The following CA10 variants were observed in gnomAD, a reference collection of about 807,000 sequenced individuals.
CA10 encodes carbonic anhydrase 10 (inactive).
Under a neutral mutation model 44.2 loss-of-function variants are expected in CA10, and 14 were observed. The ratio of observed to expected loss-of-function variants is 0.32; its 90% CI spans 0.21 to 0.50. The LOEUF is 0.50. Ranked by LOEUF, CA10 falls within the 20% of genes least tolerant of loss-of-function variation. The pLI is 0.99. For missense variants in CA10, 350 were observed against 409.7 expected (o/e 0.85, Z 1.26); for synonymous variants, 159 against 141.6 (o/e 1.12, Z -0.87).
At position 51,631,614 on chromosome 17, in the gene CA10, G is replaced by A. The variant is rs1377306828; in HGVS notation, c.965-8C>T. 7.5e-6 allele frequency: 12 copies of A among 1,608,876 alleles called. No homozygotes were observed. The highest frequency in any genetic ancestry group is 1.7e-5 in the Admixed American group (1 of 59,838). ...TGAGGAGCCATTCATTTACTGCAAAGAGAGAGAAAGAAAAAAAAAATCACA... is the reference window on the plus strand; with the variant it reads ...TGAGGAGCCATTCATTTACTGCAAAAAGAGAGAAAGAAAAAAAAAATCACA... On this transcript the variant is annotated splice_region_variant and splice_polypyrimidine_tract_variant and intron_variant, in intron 8 of 8. Coordinates refer to ENST00000451037, the MANE Select transcript of CA10 (RefSeq NM_020178.5).
chr17:51,907,757 G>A (rs954781932), intron 3 of CA10, among the ~76,000 whole-genome samples: 14 of 152,114 alleles, frequency 9.2e-5, no homozygotes, highest in African/African-American at 3.1e-4. Flanking sequence ...AGCTTTCCAC[G>A]AGGTCAGCTT....
intron 2 of CA10, among the ~76,000 whole-genome samples, chr17:51,934,549 T>C (rs774656923): frequency 1.3e-5 from 2 of 152,170 alleles, no homozygotes; most frequent in Non-Finnish European, 2.9e-5. Context: ...TCAAACTGCT[T>C]TGAAAGTCAA....
chr17:51,889,760 A>G (rs1980775247), intron 3 of CA10, among the ~76,000 whole-genome samples: 4 of 152,144 alleles, frequency 2.6e-5, no homozygotes, highest in African/African-American at 9.7e-5. Flanking sequence ...TTTAACTACA[A>G]ATTTCTAATG....
intron 4 of CA10, among the ~76,000 whole-genome samples, chr17:51,740,629 G>A (rs1904418627): frequency 6.6e-6 from 1 of 152,166 alleles, no homozygotes; most frequent in East Asian, 1.9e-4. Flanking sequence ...CACATAGAGA[G>A]GACCCACGTG....
intron 3 of CA10, among the ~76,000 whole-genome samples, chr17:51,763,620 T>C (rs1005148544): frequency 6.6e-6 from 1 of 152,184 alleles, no homozygotes; most frequent in African/African-American, 2.4e-5. Context: ...CTCTCAGATT[T>C]CCACTCGATG....
At chr17:51,771,671 A>G (rs1370202674) in intron 3 of CA10, among the ~76,000 whole-genome samples, 1 of 152,158 alleles carries the variant, frequency 6.6e-6, no homozygotes, top group Non-Finnish European at 1.5e-5. Flanking sequence ...AATCTGAGAA[A>G]GTGAATGTTA....
chr17:51,633,354 C>T (rs980106223), intron 8 of CA10, 122 bp downstream of exon 8: 52 of 956,058 alleles, frequency 5.4e-5, no homozygotes, highest in Non-Finnish European at 7.5e-5. Flanking sequence ...AGTGTGATGG[C>T]TATTGTCATT....
chr17:52,007,351 A>T (rs1985635207), intron 2 of CA10, among the ~76,000 whole-genome samples: 1 of 151,550 alleles, frequency 6.6e-6, no homozygotes. Context: ...CATTTCATCC[A>T]TAAGTAAGGT....
At chr17:52,079,819 T>C (rs957869486) in intron 1 of CA10, among the ~76,000 whole-genome samples, 1 of 152,216 alleles carries the variant, frequency 6.6e-6, no homozygotes, top group Non-Finnish European at 1.5e-5. Context: ...GGGGAAGATG[T>C]GTCATACCTG....
At chr17:51,785,791 C>T (rs533836253) in intron 3 of CA10, among the ~76,000 whole-genome samples, 89 of 152,170 alleles carry the variant, frequency 5.8e-4, no homozygotes, top group African/African-American at 2.0e-3. Flanking sequence ...TATTTTGGGT[C>T]TTTTATGGTT....
intron 3 of CA10, among the ~76,000 whole-genome samples, chr17:51,904,121 T>C (rs1981437836): frequency 6.6e-6 from 1 of 151,528 alleles, no homozygotes; most frequent in African/African-American, 2.4e-5. Context: ...CTTTCTAGGA[T>C]GCAAGAATTT....
chr17:52,155,785 A>T (rs1440603211), intron 1 of CA10, among the ~76,000 whole-genome samples: 1 of 152,228 alleles, frequency 6.6e-6, no homozygotes, highest in African/African-American at 2.4e-5. Flanking sequence ...TTATCCTCTC[A>T]TTACATAGCA....
intron 3 of CA10, among the ~76,000 whole-genome samples, chr17:51,831,686 A>AGCGGCGGCAGCGGCAGCGGCG (rs1567854544): frequency 2.6e-5 from 2 of 75,968 alleles, no homozygotes; most frequent in Non-Finnish European, 6.3e-5. Context: ...CAGCAGCAGC[A>AGCGGCGGCAGCGGCAGCGGCG]GCAGCAGCAG....
intron 1 of CA10, among the ~76,000 whole-genome samples, chr17:52,076,378 C>T (rs1598202174): frequency 2.6e-5 from 4 of 152,264 alleles, no homozygotes; most frequent in South Asian, 2.1e-4. Context: ...CATTCAGAAG[C>T]AGAACTATGT....
intron 2 of CA10, among the ~76,000 whole-genome samples, chr17:52,045,407 TAA>T (rs1986885032): frequency 6.6e-6 from 1 of 152,044 alleles, no homozygotes; most frequent in Non-Finnish European, 1.5e-5. Context: ...AATATTTGGA[TAA>T]ATATGAAAGA....
At position 51,714,862 on chromosome 17, in the gene CA10, G is replaced by A. The variant is rs572823737; in HGVS notation, c.465+32771C>T. ...GGCTCTTCCTTCACATTCGTGATTC[G>A]GCTAAATGGGTGCTCATTATTCAGA... On this transcript the variant is annotated intron_variant, in intron 4 of 8. Coordinates refer to ENST00000451037, the MANE Select transcript of CA10 (RefSeq NM_020178.5). 2.4e-4 allele frequency among the ~76,000 whole-genome samples: 37 copies of A among 152,218 alleles called. 1 individual carries two copies. The South Asian group carries it at 6.2e-3, about 26-fold the overall frequency.
At chr17:52,152,320 C>T (rs1989720562) in intron 1 of CA10, among the ~76,000 whole-genome samples, 1 of 152,036 alleles carries the variant, frequency 6.6e-6, no homozygotes, top group Non-Finnish European at 1.5e-5. Context: ...CATATTAGGA[C>T]ACTTCATATT....
chr17:51,955,200 A>C (rs1306850263), intron 2 of CA10, among the ~76,000 whole-genome samples: 1 of 152,168 alleles, frequency 6.6e-6, no homozygotes, highest in African/African-American at 2.4e-5. Context: ...CTGCTCCTTC[A>C]TCTTTCTGCA....
At chr17:51,813,766 C>T (rs115744593) in intron 3 of CA10, among the ~76,000 whole-genome samples, 255 of 152,250 alleles carry the variant, frequency 1.7e-3, no homozygotes, top group African/African-American at 5.4e-3. Flanking sequence ...TAGGATATAC[C>T]GGCTTTTCCA....
Sources: gnomAD v4.1 joint callset for allele counts (sites outside exome capture counted in the v4.1 genomes callset) on GRCh38, gnomAD v4.1.1 for gene constraint, MANE v1.5 for transcripts, NCBI Gene and HGNC (gene_info 2026-07-23, HGNC 2026-07-21) for gene names.